Variants in NR3C1 observed in about 807,000 individuals in gnomAD.
NR3C1 encodes the protein glucocorticoid receptor.
A neutral mutation model predicts 74.0 loss-of-function variants in NR3C1; 14 were observed. That is an observed-to-expected ratio of 0.19 (90% CI 0.12 to 0.30). NR3C1 has a LOEUF of 0.30. NR3C1 is among the 10% of genes least tolerant of loss of function. The pLI is 1.00. For missense variants in NR3C1, 695 were observed against 909.8 expected (o/e 0.76, Z 3.04); for synonymous variants, 308 against 332.5 (o/e 0.93, Z 0.80).
rs921662903 is a variant in NR3C1, at chr5:143,278,953, A to C, written c.*2936T>G. ...TTAGGCATTTGGATATATATACCCC[A>C]AAAGTGTTATGTCCTAAGTGCCTCA... On this transcript the variant is annotated 3_prime_UTR_variant, in exon 9 of 9. Coordinates refer to ENST00000394464, the MANE Select transcript of NR3C1 (RefSeq NM_000176.3). 4 of 174,116 alleles carry C rather than the reference A, an allele frequency of 2.3e-5. No individual in the cohort carries two copies. In the South Asian group the frequency reaches 5.4e-4, roughly 24 times the overall value. The allele number at this position is 174,116 out of a possible 1,614,324, so 10.8% of individuals were successfully genotyped here. A position where few individuals can be genotyped will look rare whatever the true frequency, so the allele number is the denominator to read the frequency against.
At chr5:143,363,746 T>G (rs1832701705) in intron 2 of NR3C1, among the ~76,000 whole-genome samples, 1 of 152,058 alleles carries the variant, frequency 6.6e-6, no homozygotes, top group Admixed American at 6.6e-5. Flanking sequence ...GTAGAATAAC[T>G]GAAATGAAAA....
chr5:143,368,060 T>C (rs78885372), intron 2 of NR3C1, among the ~76,000 whole-genome samples: 12 of 152,302 alleles, frequency 7.9e-5, no homozygotes, highest in South Asian at 4.1e-4. Context: ...TACAGACTCA[T>C]AGAATTGTGA....
chr5:143,434,288 A>G (rs1343094960), intron 1 of NR3C1, among the ~76,000 whole-genome samples: 3 of 152,196 alleles, frequency 2.0e-5, no homozygotes, highest in Non-Finnish European at 4.4e-5. Context: ...TTCATTGCCT[A>G]CAATAGCACT....
rs1812862794 is a variant in NR3C1 at position 143,280,021 on chromosome 5, C to T, written c.*1868G>A. 1 of 152,534 alleles carries T rather than the reference C, an allele frequency of 6.6e-6. No homozygotes were observed. Among genetic ancestry groups the T allele is most frequent in the African/African-American group, 2.4e-5 (1 of 41,444 alleles). The allele number at this position is 152,534 out of a possible 1,614,324, so 9.4% of individuals were successfully genotyped here. On this transcript the variant is annotated 3_prime_UTR_variant, in exon 9 of 9. Transcript: ENST00000394464. Reference sequence around the variant, plus strand: ...GGCAGAGGATAACTTCCTCTGTAATCTCACTGGGTCAGAGCCTCAGCAACC... The same window carrying T: ...GGCAGAGGATAACTTCCTCTGTAATTTCACTGGGTCAGAGCCTCAGCAACC...
At chr5:143,383,412 C>T (rs915206789) in intron 2 of NR3C1, among the ~76,000 whole-genome samples, 2 of 152,186 alleles carry the variant, frequency 1.3e-5, no homozygotes, top group East Asian at 1.9e-4. Context: ...ATAGTGAAAA[C>T]GTTCCTTGTC....
At chr5:143,430,146 T>TG (rs1274085667) in intron 1 of NR3C1, among the ~76,000 whole-genome samples, 1 of 150,996 alleles carries the variant, frequency 6.6e-6, no homozygotes, top group Admixed American at 6.6e-5. Flanking sequence ...TCTAATAATA[T>TG]GGGGGAATGC....
intron 7 of NR3C1, among the ~76,000 whole-genome samples, chr5:143,282,946 G>A (rs888376326): frequency 2.5e-4 from 37 of 150,620 alleles, no homozygotes; most frequent in African/African-American, 9.0e-4. Context: ...TGTCTGAGTG[G>A]CATAATCATA....
At chr5:143,292,880 C>T (rs1438593132) in intron 7 of NR3C1, among the ~76,000 whole-genome samples, 1 of 152,176 alleles carries the variant, frequency 6.6e-6, no homozygotes, top group Non-Finnish European at 1.5e-5. Context: ...GTGGTTTGTC[C>T]TATGACCTCC....
chr5:143,350,953 A>C (rs1323003952), intron 2 of NR3C1, among the ~76,000 whole-genome samples: 4 of 152,184 alleles, frequency 2.6e-5, no homozygotes, highest in Non-Finnish European at 4.4e-5. Flanking sequence ...ATAACCTTGG[A>C]AAGGTCAATG....
intron 2 of NR3C1, among the ~76,000 whole-genome samples, chr5:143,365,038 G>A (rs1280281140): frequency 6.6e-6 from 1 of 151,722 alleles, no homozygotes; most frequent in East Asian, 1.9e-4. Context: ...AAATCTCCGT[G>A]GCAACCACTA....
upstream of NR3C1, among the ~76,000 whole-genome samples, chr5:143,407,994 TAAAAG>T (rs1489183173): frequency 6.6e-6 from 1 of 152,228 alleles, no homozygotes; most frequent in African/African-American, 2.4e-5. Context: ...AAAAATTAGT[TAAAAG>T]AAGGAAATAA....
intron 2 of NR3C1, among the ~76,000 whole-genome samples, chr5:143,372,607 T>A (rs954919401): frequency 6.6e-6 from 1 of 152,228 alleles, no homozygotes; most frequent in South Asian, 2.1e-4. Flanking sequence ...ACTGCATAAA[T>A]TTTGAAATCC....
chr5:143,433,452 T>TGA (rs1751948010), intron 1 of NR3C1, among the ~76,000 whole-genome samples: 2 of 119,696 alleles, frequency 1.7e-5, no homozygotes, highest in South Asian at 2.6e-4. Flanking sequence ...TTTATTTAAA[T>TGA]TATATATATA....
chr5:143,281,955 G>T lies in NR3C1; in HGVS notation c.2268C>A (p.Ile756=). The change falls in exon 9 of 9, where the codon ATC becomes ATA. Residue 756 remains isoleucine, a synonymous_variant. Coordinates refer to ENST00000394464, the MANE Select transcript of NR3C1 (RefSeq NM_000176.3). ...AATATTTTGGTATCTGATTGGTGAT[G>T]ATTTCAGCTAACATCTCGGGGAATT... The part of the protein sequence containing the change: ...SIEFPEMLAE[I]ITNQIPKYSN... The T allele has an allele frequency of 6.2e-7, 1 of 1,613,320 alleles. No homozygotes were observed.
chr5:143,304,455 A>T (rs1005527588), intron 4 of NR3C1, among the ~76,000 whole-genome samples: 2 of 152,236 alleles, frequency 1.3e-5, no homozygotes, highest in African/African-American at 4.8e-5. Context: ...GGACTGGTAG[A>T]ATCAGTATAG....
intron 2 of NR3C1, among the ~76,000 whole-genome samples, chr5:143,399,278 A>T (rs1377905911): frequency 6.6e-6 from 1 of 152,246 alleles, no homozygotes; most frequent in Non-Finnish European, 1.5e-5. Context: ...ATTGTAATAT[A>T]AGAACATATT....
intron 2 of NR3C1, among the ~76,000 whole-genome samples, chr5:143,378,293 C>T (rs1835579615): frequency 6.6e-6 from 1 of 152,008 alleles, no homozygotes; most frequent in Non-Finnish European, 1.5e-5. Flanking sequence ...AAATGTCAAT[C>T]AAAACAGCGA....
At chr5:143,327,568 A>T (rs1168440161) in intron 2 of NR3C1, among the ~76,000 whole-genome samples, 1 of 152,226 alleles carries the variant, frequency 6.6e-6, no homozygotes, top group African/African-American at 2.4e-5. Flanking sequence ...TCCACGTATG[A>T]GCCTATAAAA....
chr5:143,318,199 A>G (rs1051898045), intron 2 of NR3C1, among the ~76,000 whole-genome samples: 4 of 152,130 alleles, frequency 2.6e-5, no homozygotes, highest in African/African-American at 4.8e-5. Context: ...GAAGTGCTAC[A>G]GTCTTCCCCA....
Sources: gnomAD v4.1 joint callset for allele counts (sites outside exome capture counted in the v4.1 genomes callset) on GRCh38, gnomAD v4.1.1 for gene constraint, MANE v1.5 for transcripts, NCBI Gene and HGNC (gene_info 2026-07-23, HGNC 2026-07-21) for gene names.